ERICH1: variants seen among roughly 807,000 people sequenced by gnomAD.
ERICH1 encodes the protein glutamate rich 1, also known as glutamate-rich protein 1.
A neutral mutation model predicts 39.6 loss-of-function variants in ERICH1; 56 were observed. The observed-to-expected ratio is 1.41, with a 90% CI of 1.14 to 1.77. The LOEUF (loss-of-function observed/expected upper bound fraction) is 1.77. Ranked by LOEUF, ERICH1 falls within the 40% of genes most tolerant of loss-of-function variation. ERICH1 has a pLI of 0.00. For missense variants in ERICH1, 826 were observed against 575.4 expected, an observed-to-expected ratio of 1.44 and a Z score of -4.45; for synonymous variants, 313 against 223.6, an observed-to-expected ratio of 1.40 and a Z score of -3.57.
intron 3 of ERICH1, among the ~76,000 whole-genome samples, chr8:687,026 A>C (rs527900242): frequency 4.6e-5 from 7 of 152,264 alleles, no homozygotes; most frequent in Non-Finnish European, 7.3e-5. Context: ...CAGGAAAGGC[A>C]AAAGGCAGAG....
At chr8:703,186 C>T (rs1395782342) in intron 2 of ERICH1, among the ~76,000 whole-genome samples, 1 of 152,148 alleles carries the variant, frequency 6.6e-6, no homozygotes, top group Non-Finnish European at 1.5e-5. Context: ...GCCAAATGCA[C>T]AGAAATGAAC....
At chr8:720,614 T>A (rs904068722) in intron 1 of ERICH1, among the ~76,000 whole-genome samples, 3 of 152,164 alleles carry the variant, frequency 2.0e-5, no homozygotes, top group African/African-American at 7.2e-5. Context: ...GGTCAACACA[T>A]AAAGGTCTGT....
intron 3 of ERICH1, among the ~76,000 whole-genome samples, chr8:629,376 C>T (rs540704413): frequency 4.6e-5 from 7 of 150,798 alleles, no homozygotes; most frequent in African/African-American, 1.5e-4. Context: ...AGCTGACTCA[C>T]ACTCTCCTGT....
intron 5 of ERICH1, 85 bp downstream of exon 5, chr8:668,513 G>T: frequency 6.9e-7 from 1 of 1,446,636 alleles, no homozygotes. Flanking sequence ...ACTCATTGCT[G>T]TTTTGGTGGC....
rs968691921 is a variant in ERICH1 at position 713,009 on chromosome 8, C to T, written c.169+2852G>A. On this transcript the variant is annotated intron_variant, in intron 2 of 5. Transcript: ENST00000262109. ...AACAGACATTTGTTCTCTCACAGCC[C>T]GGAAGGCTGGAAGGCCAAGGTCATA... 1.1e-4 allele frequency among the ~76,000 whole-genome samples: 17 copies of T among 152,248 alleles called. 1 individual carries two copies. The highest frequency in any genetic ancestry group is 3.9e-4 in the African/African-American group (16 of 41,466).
At chr8:664,138 A>C (rs895909100), downstream of ERICH1, 2 of 650,390 alleles carry the variant, frequency 3.1e-6, no homozygotes, top group Non-Finnish European at 3.8e-6. Context: ...AAACAGGAAA[A>C]ACAGGTACCT....
At chr8:643,774 G>A (rs1194405608) in intron 3 of ERICH1, among the ~76,000 whole-genome samples, 1 of 152,156 alleles carries the variant, frequency 6.6e-6, no homozygotes, top group African/African-American at 2.4e-5. Context: ...AAGGTTGTAG[G>A]CGCAACTTCC....
chr8:712,955 C>G (rs1468865134), intron 2 of ERICH1, among the ~76,000 whole-genome samples: 1 of 152,238 alleles, frequency 6.6e-6, no homozygotes, highest in Non-Finnish European at 1.5e-5. Context: ...GCTGCCACTA[C>G]AAAGCCCCAC....
intron 3 of ERICH1, among the ~76,000 whole-genome samples, chr8:623,524 T>A (rs1053210177): frequency 6.6e-6 from 1 of 152,200 alleles, no homozygotes; most frequent in African/African-American, 2.4e-5. Context: ...GTATCAATGA[T>A]AAAAATTGTA....
exon 4 of ERICH1, chr8:615,206 G>C: frequency 3.0e-6 from 2 of 672,736 alleles, no homozygotes; most frequent in Non-Finnish European, 5.3e-6. Flanking sequence ...AATTGTCCAA[G>C]TCAGCACCAC....
At chr8:697,322 T>A (rs1810551011) in intron 2 of ERICH1, among the ~76,000 whole-genome samples, 1 of 152,108 alleles carries the variant, frequency 6.6e-6, no homozygotes, top group African/African-American at 2.4e-5. Flanking sequence ...GCTTGTCTCT[T>A]CTCTGAACAG....
Position 673,415 on chromosome 8 carries a change from C to G in ERICH1, c.937G>C (p.Glu313Gln). The change falls in exon 4 of 6, where the codon GAG becomes CAG. Residue 313 changes from glutamate (E) to glutamine (Q), a missense_variant. Coordinates refer to ENST00000262109, the MANE Select transcript of ERICH1 (RefSeq NM_207332.3). The part of the protein sequence containing the change: ...EEDPTWAGEE[E>Q]GADSGEEDGA... ...TCCTCCTCCCCGGAGTCTGCACCCTCTTCCTCCCCAGCCCATGTCGGGTCT... is the reference window on the plus strand; with the variant it reads ...TCCTCCTCCCCGGAGTCTGCACCCTGTTCCTCCCCAGCCCATGTCGGGTCT... 6.2e-7 allele frequency: 1 copy of G among 1,614,160 alleles called. No homozygotes were observed. Among genetic ancestry groups the G allele is most frequent in the Non-Finnish European group, 8.5e-7 (1 of 1,180,006 alleles).
intron 3 of ERICH1, among the ~76,000 whole-genome samples, chr8:683,025 G>A (rs1308997004): frequency 6.6e-6 from 1 of 152,192 alleles, no homozygotes; most frequent in African/African-American, 2.4e-5. Context: ...TGCTGAGTGT[G>A]TTGTTTGCCT....
Position 697,952 on chromosome 8 carries a change from A to C in ERICH1, c.170-5340T>G, listed in dbSNP as rs4380911. ...TGAGGCAGCTGCCTGATGGGCTGCA[A>C]GGGACACAAATCCCTGCGTCTGGGG... On this transcript the variant is annotated intron_variant, in intron 2 of 5. Coordinates refer to ENST00000262109, the MANE Select transcript of ERICH1 (RefSeq NM_207332.3). Among the ~76,000 whole-genome samples the C allele has an allele frequency of 5.3e-5, 8 of 151,660 alleles. 1 individual carries two copies. Among genetic ancestry groups the C allele is most frequent in the African/African-American group, 1.9e-4 (8 of 41,308 alleles).
At chr8:672,576 C>T (rs992446739) in intron 4 of ERICH1, among the ~76,000 whole-genome samples, 8 of 152,026 alleles carry the variant, frequency 5.3e-5, no homozygotes, top group African/African-American at 1.7e-4. Flanking sequence ...GACACCTATA[C>T]CCACAAAAAT....
chr8:642,396 G>C (rs905180187), intron 3 of ERICH1, among the ~76,000 whole-genome samples: 7 of 130,596 alleles, frequency 5.4e-5, no homozygotes, highest in African/African-American at 2.1e-4. Context: ...CCAGGCTGGA[G>C]TGCAGTGGTG....
chr8:692,186 T>C (rs1315887786), intron 3 of ERICH1, among the ~76,000 whole-genome samples: 2 of 152,240 alleles, frequency 1.3e-5, no homozygotes, highest in African/African-American at 4.8e-5. Flanking sequence ...ATTTAATATG[T>C]ATTTAGTTCC....
At chr8:720,533 A>G (rs10110585) in intron 1 of ERICH1, among the ~76,000 whole-genome samples, 78,471 of 151,986 alleles carry the variant, frequency 0.52, 20,710 homozygotes, top group African/African-American at 0.61. Flanking sequence ...TAACGTTTAA[A>G]TCCCGAGTTT....
At chr8:681,429 G>C (rs973300244) in intron 3 of ERICH1, among the ~76,000 whole-genome samples, 12 of 152,266 alleles carry the variant, frequency 7.9e-5, no homozygotes, top group African/African-American at 2.9e-4. Context: ...TGGCAACTGA[G>C]AGAAAAAGAT....
Sources: gnomAD v4.1 joint callset for allele counts (sites outside exome capture counted in the v4.1 genomes callset) on GRCh38, gnomAD v4.1.1 for gene constraint, MANE v1.5 for transcripts, NCBI Gene and HGNC (gene_info 2026-07-23, HGNC 2026-07-21) for gene names.